Variants in THSD4 observed in about 807,000 individuals in gnomAD.
The protein encoded by THSD4 is thrombospondin type-1 domain-containing protein 4.
A neutral mutation model predicts 119.0 loss-of-function variants in THSD4; 69 were observed. That is an observed-to-expected ratio of 0.58 (90% CI 0.48 to 0.71). The LOEUF is 0.71. Ranked by LOEUF, THSD4 falls within the 30% of genes least tolerant of loss-of-function variation. THSD4 has a pLI of 0.00. For missense variants in THSD4, 1,393 were observed against 1,391.1 expected, an observed-to-expected ratio of 1.00 and a Z score of -0.02; for synonymous variants, 524 against 540.4, an observed-to-expected ratio of 0.97 and a Z score of 0.42.
chr15:71,723,201 G>A (rs1006639335), intron 8 of THSD4, among the ~76,000 whole-genome samples: 5 of 152,068 alleles, frequency 3.3e-5, no homozygotes, highest in Non-Finnish European at 7.3e-5. Context: ...GGGTGTATGG[G>A]CATTTCAAGT....
At chr15:71,246,958 C>CA (rs978604333) in intron 5 of THSD4, among the ~76,000 whole-genome samples, 3 of 133,564 alleles carry the variant, frequency 2.2e-5, no homozygotes, top group Non-Finnish European at 4.6e-5. Flanking sequence ...GGCACGATCT[C>CA]AGGTCACTAC....
chr15:71,640,318 C>T (rs1351483979), intron 7 of THSD4, among the ~76,000 whole-genome samples: 8 of 151,792 alleles, frequency 5.3e-5, no homozygotes, highest in Non-Finnish European at 1.0e-4. Flanking sequence ...TGGGCTCAAG[C>T]GATCCCCCAA....
intron 6 of THSD4, among the ~76,000 whole-genome samples, chr15:71,358,284 G>C (rs1404682425): frequency 6.6e-6 from 1 of 152,148 alleles, no homozygotes; most frequent in Non-Finnish European, 1.5e-5. Flanking sequence ...GTTTAATTGA[G>C]AGTTCCTATG....
chr15:71,394,319 C>G (rs1358643276), intron 6 of THSD4, among the ~76,000 whole-genome samples: 2 of 133,000 alleles, frequency 1.5e-5, no homozygotes, highest in African/African-American at 5.7e-5. Flanking sequence ...GTTTCCCAGG[C>G]TGGAGTGCAG....
At chr15:71,366,108 C>G (rs893148150) in intron 6 of THSD4, among the ~76,000 whole-genome samples, 1 of 152,100 alleles carries the variant, frequency 6.6e-6, no homozygotes, top group African/African-American at 2.4e-5. Flanking sequence ...GAGTCTCACT[C>G]TGTTGCCCAG....
chr15:71,528,006 G>A (rs566079835), intron 7 of THSD4, among the ~76,000 whole-genome samples: 19 of 152,092 alleles, frequency 1.2e-4, no homozygotes, highest in South Asian at 1.2e-3. Context: ...GTGAGCCACC[G>A]CACCAATCAA....
intron 5 of THSD4, among the ~76,000 whole-genome samples, chr15:71,255,971 T>C (rs2415111): frequency 0.61 from 92,367 of 151,922 alleles, 28,297 homozygotes; most frequent in East Asian, 0.71. Context: ...AGTAAACTGA[T>C]TTGTCAGAAG....
At chr15:71,496,081 C>T (rs576253288) in intron 7 of THSD4, among the ~76,000 whole-genome samples, 2 of 152,286 alleles carry the variant, frequency 1.3e-5, no homozygotes, top group South Asian at 2.1e-4. Flanking sequence ...AGCTAAATAC[C>T]ATCCTTTGGT....
chr15:71,521,208 T>A (rs1483080304), intron 7 of THSD4, among the ~76,000 whole-genome samples: 3 of 152,174 alleles, frequency 2.0e-5, no homozygotes, highest in African/African-American at 7.2e-5. Flanking sequence ...CTCTTTTAAT[T>A]CCAGTAAATG....
chr15:71,407,436 T>C (rs1463467133), intron 6 of THSD4, among the ~76,000 whole-genome samples: 1 of 152,180 alleles, frequency 6.6e-6, no homozygotes, highest in Admixed American at 6.5e-5. Flanking sequence ...TTCTTTTGAG[T>C]TTATTACTTT....
At chr15:71,132,539 G>T (rs951266004) in intron 1 of THSD4, among the ~76,000 whole-genome samples, 43 of 152,206 alleles carry the variant, frequency 2.8e-4, no homozygotes, top group Non-Finnish European at 4.4e-5. Context: ...ATGGTGTTGG[G>T]TTATTAGGTA....
chr15:71,775,603 C>T (rs951818860), intron 17 of THSD4, among the ~76,000 whole-genome samples: 13 of 152,000 alleles, frequency 8.6e-5, no homozygotes, highest in African/African-American at 2.9e-4. Context: ...CCCAGCTACT[C>T]GGGAGGCTGA....
At chr15:71,419,455 C>A (rs2046788080) in intron 7 of THSD4, among the ~76,000 whole-genome samples, 1 of 108,052 alleles carries the variant, frequency 9.3e-6, no homozygotes, top group Non-Finnish European at 2.0e-5. Context: ...CCTGCCTTGG[C>A]CTCCCAAAGT....
intron 3 of THSD4, among the ~76,000 whole-genome samples, chr15:71,199,759 TGTG>T (rs2043771218): frequency 8.1e-6 from 1 of 124,110 alleles, no homozygotes; most frequent in Non-Finnish European, 1.6e-5. Context: ...GTGTGTGTGA[TGTG>T]TGTGGTGTGT....
chr15:71,367,816 G>A (rs1034087627), intron 6 of THSD4, among the ~76,000 whole-genome samples: 2 of 152,168 alleles, frequency 1.3e-5, no homozygotes, highest in African/African-American at 4.8e-5. Flanking sequence ...GGATGGCTGG[G>A]TCAAATGGTA....
chr15:71,693,305 C>A (rs1406123539), intron 8 of THSD4, among the ~76,000 whole-genome samples: 3 of 152,194 alleles, frequency 2.0e-5, no homozygotes, highest in African/African-American at 7.2e-5. Context: ...GTCTCATGAT[C>A]TGTCTCTTTA....
At chr15:71,775,965 T>C (rs2053905551) in intron 17 of THSD4, among the ~76,000 whole-genome samples, 1 of 152,106 alleles carries the variant, frequency 6.6e-6, no homozygotes, top group Non-Finnish European at 1.5e-5. Flanking sequence ...AGATGAACAA[T>C]TCAATAAATG....
At chr15:71,572,016 A>G (rs370946534) in intron 7 of THSD4, among the ~76,000 whole-genome samples, 6 of 152,184 alleles carry the variant, frequency 3.9e-5, no homozygotes, top group South Asian at 4.1e-4. Flanking sequence ...TAAAATGTTT[A>G]TTTATCTTTT....
intron 6 of THSD4, among the ~76,000 whole-genome samples, chr15:71,299,974 AAAATATAT>A (rs1425857034): frequency 1.4e-4 from 5 of 36,692 alleles, no homozygotes; most frequent in East Asian, 1.8e-3. Context: ...AAAAAAAAAA[AAAATATAT>A]ATATATATAT....
Sources: allele counts gnomAD v4.1 joint callset (sites outside exome capture counted in the v4.1 genomes callset), GRCh38; gene constraint gnomAD v4.1.1; transcripts MANE v1.5; gene names NCBI Gene and HGNC (gene_info 2026-07-23, HGNC 2026-07-21).